PCDHGA5: variants seen among roughly 807,000 people sequenced by gnomAD.
PCDHGA5 encodes protocadherin gamma subfamily A, 5, also known as protocadherin gamma-A5.
In PCDHGA5, 36 loss-of-function variants were observed where a neutral mutation model predicts 56.7. That is an observed-to-expected ratio of 0.64 (90% CI 0.49 to 0.84). PCDHGA5 has a LOEUF of 0.84. Among genes scored for constraint, PCDHGA5 ranks in the 40% least tolerant of loss-of-function variants. The pLI is 0.00. For missense variants in PCDHGA5, 1,305 were observed against 1,201.5 expected (o/e 1.09, Z -1.27); for synonymous variants, 563 against 520.2 (o/e 1.08, Z -1.12).
At chr5:141,464,676 T>A (rs1337677151) in intron 1 of PCDHGA5, among the ~76,000 whole-genome samples, 1 of 152,176 alleles carries the variant, frequency 6.6e-6, no homozygotes. Flanking sequence ...ATAATTTTAA[T>A]TAAAATTTCT....
At chr5:141,398,314 A>C in intron 1 of PCDHGA5, 1 of 1,348,682 alleles carries the variant, frequency 7.4e-7, no homozygotes, top group Non-Finnish European at 1.0e-6. Context: ...GGAGTTACCG[A>C]CTCGAAAACT....
At chr5:141,394,861 A>G in intron 1 of PCDHGA5, 1 of 1,613,390 alleles carries the variant, frequency 6.2e-7, no homozygotes. Flanking sequence ...CCTTCGGTCG[A>G]CCCGAACGAT....
At chr5:141,366,782 G>T in intron 1 of PCDHGA5, 31 bp downstream of exon 1, 4 of 1,580,298 alleles carry the variant, frequency 2.5e-6, no homozygotes, top group South Asian at 1.2e-5. Flanking sequence ...AGGATGACCA[G>T]AACATTTTCA....
rs70988800 is a variant in PCDHGA5, at chr5:141,379,889, C to CTTTTTTTTTTTT, written c.2421+13157_2421+13168dup. Reference sequence around the variant, plus strand: ...CTTATTTTATGGTCTGTGAAAGCCTCTTTTTTTTTTTTTTTTTTTTTTTTT... The same window carrying CTTTTTTTTTTTT: ...CTTATTTTATGGTCTGTGAAAGCCTCTTTTTTTTTTTTTTTTTTTTTTTTTTTTTTTTTTTTT... On this transcript the variant is annotated intron_variant, in intron 1 of 3. Transcript: ENST00000518069. Among the ~76,000 whole-genome samples, 158 of 50,832 alleles carry CTTTTTTTTTTTT rather than the reference C, an allele frequency of 3.1e-3. 25 individuals are homozygous for CTTTTTTTTTTTT. The highest frequency in any genetic ancestry group is 4.7e-3 in the African/African-American group (71 of 15,080). 33.3% of individuals were successfully genotyped at this position (50,832 alleles called of 152,430 possible). A position where few individuals can be genotyped will look rare whatever the true frequency, so the allele number is the denominator to read the frequency against.
intron 1 of PCDHGA5, chr5:141,439,852 G>A (rs182049678): frequency 1.3e-5 from 2 of 152,474 alleles, no homozygotes; most frequent in African/African-American, 4.8e-5. Context: ...CTGTGGAAAA[G>A]GTGGGGAATG....
intron 1 of PCDHGA5, chr5:141,413,078 C>A: frequency 7.7e-7 from 1 of 1,301,148 alleles, no homozygotes; most frequent in Non-Finnish European, 1.1e-6. Flanking sequence ...AGTGCCCAGG[C>A]TACAGAGACA....
intron 2 of PCDHGA5, among the ~76,000 whole-genome samples, chr5:141,499,689 C>CTTTTTTT (rs545067566): frequency 3.3e-5 from 4 of 119,856 alleles, no homozygotes; most frequent in Admixed American, 8.7e-5. Context: ...TAACAGATGA[C>CTTTTTTT]TTTTTTTTTT....
chr5:141,417,618 G>C, intron 1 of PCDHGA5: 3 of 654,348 alleles, frequency 4.6e-6, no homozygotes, highest in Non-Finnish European at 7.4e-6. Flanking sequence ...CCAGTGCAGA[G>C]CAAGCGCTGA....
chr5:141,393,261 G>A lies in PCDHGA5; in HGVS notation c.2421+26510G>A, dbSNP rs567943150. 16 of 1,613,898 alleles carry A rather than the reference G, an allele frequency of 9.9e-6. 1 individual carries two copies. Among genetic ancestry groups the A allele is most frequent in the South Asian group, 1.1e-5 (1 of 91,090 alleles). ...AATTAACGAAATCGCGGTTCCTGGAGCACGTTATCCACTCCCAGAAGCTGT... is the reference window on the plus strand; with the variant it reads ...AATTAACGAAATCGCGGTTCCTGGAACACGTTATCCACTCCCAGAAGCTGT... On this transcript the variant is annotated intron_variant, in intron 1 of 3. Transcript: ENST00000518069.
At chr5:141,478,396 G>GT in intron 1 of PCDHGA5, 1 of 1,613,564 alleles carries the variant, frequency 6.2e-7, no homozygotes, top group Non-Finnish European at 8.5e-7. Flanking sequence ...ACCATCAGGT[G>GT]TATCTCACCA....
chr5:141,476,741 A>G lies in PCDHGA5; in HGVS notation c.2422-18066A>G, dbSNP rs1430298222. On this transcript the variant is annotated intron_variant, in intron 1 of 3. Transcript: ENST00000518069. The surrounding 1 kb of genome is among the most constrained non-coding windows in gnomAD (Gnocchi z 7.6). ...CGCCCTGGACCGAGAACGGGAGCCT[A>G]GTCTCCAGTTAGTGCTGACGGCGTT... The G allele has an allele frequency of 6.2e-7, 1 of 1,613,936 alleles. No individual in the cohort carries two copies. Among genetic ancestry groups the G allele is most frequent in the Non-Finnish European group, 8.5e-7 (1 of 1,180,032 alleles).
At chr5:141,503,133 C>A (rs1164077875) in intron 2 of PCDHGA5, among the ~76,000 whole-genome samples, 1 of 152,002 alleles carries the variant, frequency 6.6e-6, no homozygotes, top group Non-Finnish European at 1.5e-5. Context: ...CTGGTAGCCC[C>A]TGACACAGCC....
In PCDHGA5 at chr5:141,477,955, C is replaced by T. The variant is rs748233998; in HGVS notation, c.2422-16852C>T. The T allele has an allele frequency of 3.7e-6, 6 of 1,614,004 alleles. No homozygotes were observed. Among genetic ancestry groups the T allele is most frequent in the Admixed American group, 3.3e-5 (2 of 59,988 alleles). On this transcript the variant is annotated intron_variant, in intron 1 of 3. Transcript: ENST00000518069. This position sits in a 1 kb window ranked among gnomAD's most constrained non-coding sequence, Gnocchi z 4.9. ...GGCTCTCCTACAGTCTCTTGGGATCCCCTAACCAGAGCCTTTTTGCCATAG... is the reference window on the plus strand; with the variant it reads ...GGCTCTCCTACAGTCTCTTGGGATCTCCTAACCAGAGCCTTTTTGCCATAG...
At chr5:141,399,372 T>C (rs1333971188) in intron 1 of PCDHGA5, 8 of 1,613,970 alleles carry the variant, frequency 5.0e-6, no homozygotes, top group Non-Finnish European at 6.8e-6. Flanking sequence ...CGGAGTACAA[T>C]GTCACCATCA....
intron 1 of PCDHGA5, among the ~76,000 whole-genome samples, chr5:141,459,755 G>A (rs1383912891): frequency 2.0e-5 from 3 of 152,182 alleles, no homozygotes; most frequent in African/African-American, 7.2e-5. Flanking sequence ...CAATTCTAGT[G>A]GGTGTGTGAT....
At chr5:141,420,215 A>G in intron 1 of PCDHGA5, 2 of 1,612,096 alleles carry the variant, frequency 1.2e-6, no homozygotes, top group South Asian at 1.1e-5. Context: ...CAAAGATAGC[A>G]TGCTACTGGC....
Position 141,393,456 on chromosome 5 carries a change from T to A in PCDHGA5, c.2421+26705T>A. ...TGCTCACCACCTGGTCCTCACGGCC[T>A]CGGATGGCGGCAAGCCGCCTCGCTC... On this transcript the variant is annotated intron_variant, in intron 1 of 3. Coordinates refer to ENST00000518069, the MANE Select transcript of PCDHGA5 (RefSeq NM_018918.3). 1 of 1,614,026 alleles carries A rather than the reference T, an allele frequency of 6.2e-7. No individual in the cohort carries two copies. Among genetic ancestry groups the A allele is most frequent in the African/African-American group, 1.3e-5 (1 of 75,058 alleles).
intron 1 of PCDHGA5, among the ~76,000 whole-genome samples, chr5:141,448,706 C>T (rs1344013319): frequency 1.3e-5 from 2 of 151,730 alleles, no homozygotes; most frequent in African/African-American, 2.4e-5. Flanking sequence ...TTTGGGAGGC[C>T]GAGGCGGGAG....
rs57426385 is a variant in PCDHGA5 at position 141,415,740 on chromosome 5, G to GTTT, written c.2421+49019_2421+49021dup. ...TGAGTAGAATTTGATGTTTATTAAG[G>GTTT]TTTTTTTTTTTTTTTTTTTTTTTTT... On this transcript the variant is annotated intron_variant, in intron 1 of 3. Transcript: ENST00000518069. 6,178 of 620,014 alleles carry GTTT rather than the reference G, an allele frequency of 1.0e-2. 42 individuals are homozygous for GTTT. Among genetic ancestry groups the GTTT allele is most frequent in the South Asian group, 0.019 (660 of 34,340 alleles). The allele number at this position is 620,014 out of a possible 1,614,324, so 38.4% of individuals were successfully genotyped here. A position where few individuals can be genotyped will look rare whatever the true frequency, so the allele number is the denominator to read the frequency against.
Sources: allele counts gnomAD v4.1 joint callset (sites outside exome capture counted in the v4.1 genomes callset), GRCh38; gene constraint gnomAD v4.1.1; non-coding constraint Gnocchi (gnomAD v3.1); transcripts MANE v1.5; gene names NCBI Gene and HGNC (gene_info 2026-07-23, HGNC 2026-07-21).